ITPR1: variants seen among roughly 807,000 people sequenced by gnomAD.
ITPR1 encodes the protein inositol 1,4,5-trisphosphate-gated calcium channel ITPR1.
Under a neutral mutation model 318.4 loss-of-function variants are expected in ITPR1, and 96 were observed. The ratio of observed to expected loss-of-function variants is 0.30; its 90% CI spans 0.26 to 0.36. The LOEUF (loss-of-function observed/expected upper bound fraction) is 0.36. Ranked by LOEUF, ITPR1 falls within the 10% of genes least tolerant of loss-of-function variation. ITPR1 has a pLI of 1.00. For synonymous variants in ITPR1, 1,312 were observed against 1,289.9 expected, an observed-to-expected ratio of 1.02 and a Z score of -0.37; for missense variants, 2,440 against 3,460.2, an observed-to-expected ratio of 0.71 and a Z score of 7.40.
At chr3:4,737,096 A>G (rs1261522716) in intron 44 of ITPR1, among the ~76,000 whole-genome samples, 1 of 152,070 alleles carries the variant, frequency 6.6e-6, no homozygotes, top group Non-Finnish European at 1.5e-5. Flanking sequence ...TTGATTATGG[A>G]TGATAGATTT....
At chr3:4,537,794 C>T (rs2084019469) in intron 4 of ITPR1, among the ~76,000 whole-genome samples, 1 of 152,230 alleles carries the variant, frequency 6.6e-6, no homozygotes, top group South Asian at 2.1e-4. Context: ...TTCTTACCTC[C>T]ATGACTTTGA....
At chr3:4,681,621 GAA>G (rs1491265876) in intron 26 of ITPR1, among the ~76,000 whole-genome samples, 1 of 118,570 alleles carries the variant, frequency 8.4e-6, no homozygotes, top group African/African-American at 3.3e-5. Flanking sequence ...GAGAGAGAGA[GAA>G]AGTGTGTGTG....
intron 57 of ITPR1, 56 bp downstream of exon 57, chr3:4,813,290 G>C (rs2049060022): frequency 1.7e-6 from 2 of 1,177,272 alleles, no homozygotes; most frequent in Non-Finnish European, 2.5e-6. Flanking sequence ...CAGAGGCTTA[G>C]CTGATGCAGG....
At chr3:4,757,901 C>A (rs370679581) in intron 44 of ITPR1, among the ~76,000 whole-genome samples, 1 of 152,156 alleles carries the variant, frequency 6.6e-6, no homozygotes, top group Non-Finnish European at 1.5e-5. Flanking sequence ...GTTGCTCTGT[C>A]ACCCACAGAG....
intron 4 of ITPR1, among the ~76,000 whole-genome samples, chr3:4,627,470 A>G (rs1470155529): frequency 1.3e-5 from 2 of 151,584 alleles, no homozygotes; most frequent in African/African-American, 2.4e-5. Flanking sequence ...TCTTAAAAAC[A>G]AAAACAAAAA....
chr3:4,834,740 C>T (rs2050771575), intron 60 of ITPR1, among the ~76,000 whole-genome samples: 2 of 152,160 alleles, frequency 1.3e-5, no homozygotes, highest in South Asian at 4.1e-4. Flanking sequence ...CGGGAGAAAA[C>T]TGGTTACAGG....
rs2106494496 is a variant in ITPR1, at chr3:4,815,049, C to A, written c.7702-4C>A. On this transcript the variant is annotated splice_region_variant and splice_polypyrimidine_tract_variant and intron_variant, in intron 58 of 61. Coordinates refer to ENST00000649015, the MANE Select transcript of ITPR1 (RefSeq NM_001378452.1). ...AGACTGATCCAGACACCTCTCTTTT[C>A]CAGGAACCCCTGTTTGCTGCTAGAG... 1 of 1,605,928 alleles carries A rather than the reference C, an allele frequency of 6.2e-7. No homozygotes were observed. The highest frequency in any genetic ancestry group is 2.2e-5 in the East Asian group (1 of 44,808).
chr3:4,742,057 G>T (rs1438272038), intron 44 of ITPR1, among the ~76,000 whole-genome samples: 2 of 152,088 alleles, frequency 1.3e-5, no homozygotes, highest in African/African-American at 4.8e-5. Flanking sequence ...GCTGTGAGGG[G>T]TCAGCAAAGC....
chr3:4,669,258 G>T (rs964700411), intron 18 of ITPR1, among the ~76,000 whole-genome samples: 5 of 152,142 alleles, frequency 3.3e-5, no homozygotes, highest in South Asian at 2.1e-4. Flanking sequence ...CCAAATGAAC[G>T]CTCCATAGCA....
In ITPR1 at chr3:4,683,798, G is replaced by A. The variant is rs2094342044; in HGVS notation, c.3498G>A (p.Glu1166=). 6.2e-7 allele frequency: 1 copy of A among 1,612,802 alleles called. No individual in the cohort carries two copies. Among genetic ancestry groups the A allele is most frequent in the Non-Finnish European group, 8.5e-7 (1 of 1,179,118 alleles). ...GAGAAAATGAACATAAGAAAACGGA[G>A]GTGAGTGAAACACAAGTTATGCTGC... ...ASGENEHKKT[E]EGNNKPQKHE... The change falls in exon 28 of 62, where the codon GAG becomes GAA. Residue 1166 remains glutamate (E), a splice_region_variant and synonymous_variant. Transcript: ENST00000649015.
chr3:4,759,572 A>G (rs112328033), intron 44 of ITPR1, among the ~76,000 whole-genome samples: 66 of 152,276 alleles, frequency 4.3e-4, no homozygotes, highest in African/African-American at 1.5e-3. Context: ...GATGGACGAC[A>G]TGGGTGGTTT....
rs1027032395 is a variant in ITPR1, at chr3:4,511,300, G to GC, written c.-16-5169dup. On this transcript the variant is annotated intron_variant, in intron 2 of 61. Coordinates refer to ENST00000649015, the MANE Select transcript of ITPR1 (RefSeq NM_001378452.1). ...TTGGGAATAGAATCAAATCTTCCCT[G>GC]CCCCCCCTTTTTTTTTACGCACAGC... is the stretch of plus-strand genomic sequence containing the variant. Among the ~76,000 whole-genome samples the GC allele has an allele frequency of 1.8e-4, 27 of 152,060 alleles. No homozygotes were observed. In the East Asian group the frequency reaches 2.9e-3, roughly 16 times the overall value.
intron 61 of ITPR1, among the ~76,000 whole-genome samples, chr3:4,845,185 T>A (rs1484077877): frequency 6.6e-6 from 1 of 152,248 alleles, no homozygotes; most frequent in Admixed American, 6.5e-5. Context: ...CCCTAATTCC[T>A]CTACAATTTT....
At chr3:4,690,444 T>G (rs753840986) in intron 31 of ITPR1, among the ~76,000 whole-genome samples, 8 of 152,196 alleles carry the variant, frequency 5.3e-5, no homozygotes, top group Non-Finnish European at 1.2e-4. Context: ...GGCTAAAATT[T>G]AAAAGACTGA....
intron 1 of ITPR1, among the ~76,000 whole-genome samples, chr3:4,494,125 CCTT>C (rs2080364292): frequency 6.6e-6 from 1 of 152,214 alleles, no homozygotes; most frequent in Non-Finnish European, 1.5e-5. Flanking sequence ...GGATACTTGG[CCTT>C]CTCGCCGGGA....
chr3:4,653,769 T>C, intron 11 of ITPR1, 73 bp from the exon 12 acceptor site: 1 of 1,070,318 alleles, frequency 9.3e-7, no homozygotes. Context: ...GGCCTTGAAG[T>C]CTCCTGCAAG....
At chr3:4,568,444 C>T (rs1248282663) in intron 4 of ITPR1, among the ~76,000 whole-genome samples, 3 of 152,164 alleles carry the variant, frequency 2.0e-5, no homozygotes, top group African/African-American at 7.2e-5. Flanking sequence ...TTCCCTGGAG[C>T]TAACCTCACC....
At chr3:4,821,031 C>CG (rs2049679247) in intron 60 of ITPR1, among the ~76,000 whole-genome samples, 1 of 152,170 alleles carries the variant, frequency 6.6e-6, no homozygotes, top group African/African-American at 2.4e-5. Context: ...CCCCACTGAG[C>CG]GGGGGCATCC....
rs112432709 is a variant in ITPR1, at chr3:4,586,946, C to T, written c.164-40817C>T. Among the ~76,000 whole-genome samples, 1,192 of 152,152 alleles carry T rather than the reference C, an allele frequency of 7.8e-3. 22 individuals are homozygous for T. The highest frequency in any genetic ancestry group is 0.026 in the African/African-American group (1,085 of 41,490). On this transcript the variant is annotated intron_variant, in intron 4 of 61. Coordinates refer to ENST00000649015, the MANE Select transcript of ITPR1 (RefSeq NM_001378452.1). ...ATACACCTCTTAGGTAGGTCTCCGA[C>T]CTGCGGGTTCTCTAAGGCATTGATT...
Sources: allele counts gnomAD v4.1 joint callset (sites outside exome capture counted in the v4.1 genomes callset), GRCh38; gene constraint gnomAD v4.1.1; transcripts MANE v1.5; gene names NCBI Gene and HGNC (gene_info 2026-07-23, HGNC 2026-07-21).